The following SOCS5 variants were observed in gnomAD, a reference collection of about 807,000 sequenced individuals.
SOCS5 encodes the protein CIS-6.
Under a neutral mutation model 42.8 loss-of-function variants are expected in SOCS5, and 32 were observed. The ratio of observed to expected loss-of-function variants is 0.75; its 90% confidence interval spans 0.56 to 1.01. The LOEUF (loss-of-function observed/expected upper bound fraction) is 1.01, where lower values mean the gene tolerates loss of function less well. Among genes scored for constraint, SOCS5 ranks in the 50% least tolerant of loss-of-function variants. SOCS5 has a pLI of 0.00. For synonymous variants in SOCS5, 283 were observed against 229.6 expected (o/e 1.23, Z -2.10); for missense variants, 627 against 653.0 (o/e 0.96, Z 0.43).
In SOCS5 at chr2:46,723,530, T is replaced by A. The variant is rs78331362; in HGVS notation, c.-13+24081T>A. On this transcript the variant is annotated intron_variant, in intron 1 of 1. Coordinates refer to ENST00000394861, the MANE Select transcript of SOCS5 (RefSeq NM_144949.3). Reference sequence around the variant, plus strand: ...TCCAATTGTTACAACACCTATTGTTTAGGGAAAGACTACCCTTTCTCCCTT... The same window carrying A: ...TCCAATTGTTACAACACCTATTGTTAAGGGAAAGACTACCCTTTCTCCCTT... Among the ~76,000 whole-genome samples, 1,360 of 152,174 alleles carry A rather than the reference T, an allele frequency of 8.9e-3. 19 individuals carry two copies. The highest frequency in any genetic ancestry group is 0.016 in the African/African-American group (673 of 41,568).
chr2:46,731,864 A>G (rs1363027365), intron 1 of SOCS5, among the ~76,000 whole-genome samples: 1 of 152,224 alleles, frequency 6.6e-6, no homozygotes, highest in Admixed American at 6.5e-5. Flanking sequence ...AAACTACAAT[A>G]AATATGGCAC....
chr2:46,743,323 C>G (rs1034569929), intron 1 of SOCS5, among the ~76,000 whole-genome samples: 1 of 152,092 alleles, frequency 6.6e-6, no homozygotes, highest in Admixed American at 6.5e-5. Flanking sequence ...AGAGCGGCCC[C>G]GTGGGCTGCT....
In SOCS5 at chr2:46,739,368, A is replaced by G. The variant is rs191397685; in HGVS notation, c.-12-19151A>G. The stretch of plus-strand genomic sequence containing the variant: ...TTGGAGTTTCACTGAAGGATACCTG[A>G]GGTGGTTGTTAGTAGCACTTTGCGA... On this transcript the variant is annotated intron_variant, in intron 1 of 1. Transcript: ENST00000394861. 8.2e-4 allele frequency among the ~76,000 whole-genome samples: 125 copies of G among 152,282 alleles called. 2 individuals carry two copies. The highest frequency in any genetic ancestry group is 2.7e-3 in the African/African-American group (114 of 41,570).
chr2:46,763,129 A>C lies in SOCS5; in HGVS notation c.*2988A>C, dbSNP rs756563046. On this transcript the variant is annotated 3_prime_UTR_variant, in exon 2 of 2. Coordinates refer to ENST00000394861, the MANE Select transcript of SOCS5 (RefSeq NM_144949.3). Reference sequence around the variant, plus strand: ...TAATACAGTCACCTTACAAAGAGAAAGAGTTCATCTGTATTTTGTTTTCTG... The same window carrying C: ...TAATACAGTCACCTTACAAAGAGAACGAGTTCATCTGTATTTTGTTTTCTG... The C allele has an allele frequency of 7.2e-5, 12 of 166,696 alleles. No individual in the cohort carries two copies. The highest frequency in any genetic ancestry group is 6.5e-4 in the Admixed American group (10 of 15,268). 10.3% of individuals were successfully genotyped at this position (166,696 alleles called of 1,614,324 possible).
intron 1 of SOCS5, among the ~76,000 whole-genome samples, chr2:46,744,699 T>C (rs1673460366): frequency 6.6e-6 from 1 of 151,896 alleles, no homozygotes; most frequent in African/African-American, 2.4e-5. Context: ...GCTAATTTTT[T>C]GTATTTTTAG....
At chr2:46,713,181 C>T (rs1230873599) in intron 1 of SOCS5, among the ~76,000 whole-genome samples, 1 of 152,148 alleles carries the variant, frequency 6.6e-6, no homozygotes, top group Non-Finnish European at 1.5e-5. Context: ...CATAGGCAGA[C>T]CCCATCTCTA....
chr2:46,737,483 A>G (rs1020284538), intron 1 of SOCS5, among the ~76,000 whole-genome samples: 1 of 152,190 alleles, frequency 6.6e-6, no homozygotes, highest in Non-Finnish European at 1.5e-5. Context: ...CTGATAACTG[A>G]TTATTATTAG....
intron 1 of SOCS5, among the ~76,000 whole-genome samples, chr2:46,715,973 C>G (rs1228609436): frequency 1.3e-5 from 2 of 152,076 alleles, no homozygotes; most frequent in Non-Finnish European, 2.9e-5. Context: ...CATTTTTCTT[C>G]CAATCTGTTT....
intron 1 of SOCS5, among the ~76,000 whole-genome samples, chr2:46,755,549 G>A (rs967675545): frequency 4.6e-5 from 7 of 152,048 alleles, no homozygotes; most frequent in African/African-American, 7.2e-5. Context: ...TTATTCCTTC[G>A]AGGAAAGAAT....
At chr2:46,732,548 TC>T (rs1272301030) in intron 1 of SOCS5, among the ~76,000 whole-genome samples, 1 of 152,238 alleles carries the variant, frequency 6.6e-6, no homozygotes, top group Non-Finnish European at 1.5e-5. Flanking sequence ...GCCAAATTCA[TC>T]ATGGCCCAAT....
chr2:46,743,472 T>G (rs890484211), intron 1 of SOCS5, among the ~76,000 whole-genome samples: 14 of 152,090 alleles, frequency 9.2e-5, no homozygotes, highest in African/African-American at 3.4e-4. Context: ...CTGGTGGGAG[T>G]GTAACAGTGA....
intron 1 of SOCS5, among the ~76,000 whole-genome samples, chr2:46,703,771 G>C (rs1289131495): frequency 6.6e-6 from 1 of 152,184 alleles, no homozygotes; most frequent in East Asian, 1.9e-4. Flanking sequence ...GAATGAAAGA[G>C]GGAAAATATG....
intron 1 of SOCS5, among the ~76,000 whole-genome samples, chr2:46,754,677 T>G (rs890082856): frequency 1.3e-5 from 2 of 152,186 alleles, no homozygotes; most frequent in African/African-American, 4.8e-5. Flanking sequence ...ATTATATGTT[T>G]ATTTTTTACC....
rs1459955658 is a variant in SOCS5 at position 46,759,776 on chromosome 2, T to C, written c.1246T>C (p.Ser416Pro). The C allele has an allele frequency of 6.2e-7, 1 of 1,614,036 alleles. No individual in the cohort carries two copies. Among genetic ancestry groups the C allele is most frequent in the Non-Finnish European group, 8.5e-7 (1 of 1,180,006 alleles). The change falls in exon 2 of 2, where the codon TCT (serine) becomes CCT (proline). Residue 416 changes from serine (S) to proline (P), a missense_variant. This residue lies in a region of SOCS5 where 340 missense variants were observed against 367.6 expected (regional missense o/e 0.92). Transcript: ENST00000394861. ...RDSAQEDYLF[S>P]VSFRRYNRSL... Reference sequence around the variant, plus strand: ...CTCTGCGCAAGAGGACTACCTCTTCTCTGTGAGCTTCCGCCGCTACAACAG... The same window carrying C: ...CTCTGCGCAAGAGGACTACCTCTTCCCTGTGAGCTTCCGCCGCTACAACAG...
chr2:46,732,962 T>A (rs13391877), intron 1 of SOCS5, among the ~76,000 whole-genome samples: 9,658 of 152,198 alleles, frequency 0.063, 388 homozygotes, highest in Middle Eastern at 0.23. Flanking sequence ...ATTCTTACAA[T>A]GTTTAAAAAT....
chr2:46,758,569 C>T lies in SOCS5; in HGVS notation c.39C>T (p.Tyr13=), dbSNP rs1197113762. The T allele has an allele frequency of 6.2e-7, 1 of 1,605,754 alleles. No homozygotes were observed. ...GAAAAATGTGGAATAACTTCAAATA[C>T]AGGTGTCAGAATCTCTTCGGTCATG... ...KVGKMWNNFK[Y]RCQNLFGHEG... The change falls in exon 2 of 2, where the codon TAC becomes TAT. Residue 13 remains tyrosine (Y), a synonymous_variant. Coordinates refer to ENST00000394861, the MANE Select transcript of SOCS5 (RefSeq NM_144949.3).
chr2:46,727,235 G>A lies in SOCS5; in HGVS notation c.-13+27786G>A, dbSNP rs57006941. Among the ~76,000 whole-genome samples the A allele has an allele frequency of 5.7e-4, 79 of 137,788 alleles. No individual in the cohort carries two copies. The East Asian group carries it at 8.7e-3, about 15-fold the overall frequency. 90.4% of individuals were successfully genotyped at this position (137,788 alleles called of 152,430 possible). On this transcript the variant is annotated intron_variant, in intron 1 of 1. Coordinates refer to ENST00000394861, the MANE Select transcript of SOCS5 (RefSeq NM_144949.3). ...ACGATCTCAGCTCACTGCAAGCTCC[G>A]CCTCCCGGGTTCACGCCATTCTCCT...
intron 1 of SOCS5, among the ~76,000 whole-genome samples, chr2:46,743,226 G>A (rs748177296): frequency 3.3e-5 from 5 of 152,020 alleles, no homozygotes; most frequent in East Asian, 3.8e-4. Context: ...TGAGTCTTGC[G>A]CAAGAAAGAA....
chr2:46,733,688 A>T (rs17771237), intron 1 of SOCS5, among the ~76,000 whole-genome samples: 10,969 of 152,268 alleles, frequency 0.072, 445 homozygotes, highest in Non-Finnish European at 0.084. Context: ...AAAGTTACAA[A>T]TAGATACGAA....
Sources: allele counts gnomAD v4.1 joint callset (sites outside exome capture counted in the v4.1 genomes callset), GRCh38; gene constraint gnomAD v4.1.1; regional missense constraint gnomAD v4.1.1; transcripts MANE v1.5; gene names NCBI Gene and HGNC (gene_info 2026-07-23, HGNC 2026-07-21).